ABCA6: variants seen among roughly 807,000 people sequenced by gnomAD.
ABCA6 encodes the protein ATP-binding cassette sub-family A member 6.
Under a neutral mutation model 191.2 loss-of-function variants are expected in ABCA6, and 164 were observed. That is an observed-to-expected ratio of 0.86 (90% CI 0.76 to 0.98). The LOEUF (loss-of-function observed/expected upper bound fraction) is 0.98. Among genes scored for constraint, ABCA6 ranks in the 50% least tolerant of loss-of-function variants. ABCA6 has a pLI of 0.00. For synonymous variants in ABCA6, 636 were observed against 647.7 expected (o/e 0.98, Z 0.27); for missense variants, 1,958 against 1,894.1 (o/e 1.03, Z -0.63).
intron 26 of ABCA6, among the ~76,000 whole-genome samples, chr17:69,090,467 C>G (rs1159599911): frequency 2.0e-5 from 3 of 152,190 alleles, no homozygotes; most frequent in African/African-American, 7.2e-5. Context: ...CATCCTTTAG[C>G]CATGTATTTA....
chr17:69,087,699 T>C (rs1342948709), intron 28 of ABCA6: 18 of 559,748 alleles, frequency 3.2e-5, no homozygotes, highest in Non-Finnish European at 4.7e-5. Flanking sequence ...TCTTTGACCC[T>C]TTCAAATCTG....
Position 69,078,988 on chromosome 17 carries a change from A to G in ABCA6, c.4839T>C (p.His1613=), listed in dbSNP as rs2072559170. 4.3e-6 allele frequency: 7 copies of G among 1,609,910 alleles called. No homozygotes were observed. The highest frequency in any genetic ancestry group is 5.9e-6 in the Non-Finnish European group (7 of 1,178,582). Reference sequence around the variant, plus strand: ...GTTTGAGGTTTTAAGGTTCATCTGAATGAGGGAGGAGTTTCCATCTCATTG... The same window carrying G: ...GTTTGAGGTTTTAAGGTTCATCTGAGTGAGGGAGGAGTTTCCATCTCATTG... ...DTTMRWKLLP[H]SDEP The change falls in exon 39 of 39, where the codon CAT becomes CAC. Residue 1613 remains histidine (H), a synonymous_variant. Coordinates refer to ENST00000284425, the MANE Select transcript of ABCA6 (RefSeq NM_080284.3).
intron 30 of ABCA6, 44 bp from the exon 31 acceptor site, chr17:69,085,760 G>T (rs1476599980): frequency 7.5e-7 from 1 of 1,340,930 alleles, no homozygotes; most frequent in Non-Finnish European, 1.1e-6. Context: ...GTGAAATACT[G>T]AACAACATAA....
intron 16 of ABCA6, chr17:69,111,981 G>T: frequency 2.0e-6 from 1 of 503,734 alleles, no homozygotes; most frequent in East Asian, 3.2e-5. Context: ...GTCAGGCTTG[G>T]TTTATCATGT....
intron 18 of ABCA6, among the ~76,000 whole-genome samples, chr17:69,107,370 C>A (rs6502005): frequency 0.79 from 119,725 of 152,066 alleles, 50,544 homozygotes; most frequent in Non-Finnish European, 0.94. Flanking sequence ...AACAAGCTAA[C>A]AGCAATTTTT....
chr17:69,135,756 A>G, intron 4 of ABCA6: 1 of 403,428 alleles, frequency 2.5e-6, no homozygotes, highest in Admixed American at 4.3e-5. Context: ...TGCCCATGAA[A>G]CACTTTTTCT....
chr17:69,126,693 C>T (rs1233306925), intron 8 of ABCA6, among the ~76,000 whole-genome samples: 1 of 151,860 alleles, frequency 6.6e-6, no homozygotes, highest in Non-Finnish European at 1.5e-5. Context: ...TCAAAGATCA[C>T]TGAAATGAAT....
chr17:69,102,749 T>C, intron 21 of ABCA6, 86 bp downstream of exon 21: 1 of 1,294,484 alleles, frequency 7.7e-7, no homozygotes, highest in South Asian at 1.5e-5. Context: ...CAAGTTTCTG[T>C]ATACTAGCTT....
At chr17:69,082,793 T>C in intron 36 of ABCA6, 80 bp downstream of exon 36, 4 of 1,570,154 alleles carry the variant, frequency 2.5e-6, no homozygotes, top group Non-Finnish European at 3.5e-6. Context: ...CAAATCACTA[T>C]GAAGTTCTCA....
intron 36 of ABCA6, 54 bp from the exon 37 acceptor site, chr17:69,081,199 G>A: frequency 1.1e-6 from 1 of 935,786 alleles, no homozygotes; most frequent in Non-Finnish European, 1.7e-6. Flanking sequence ...GAGAAAATGA[G>A]CATCAGAATA....
chr17:69,088,677 A>G (rs1486928198), intron 27 of ABCA6, among the ~76,000 whole-genome samples: 4 of 152,152 alleles, frequency 2.6e-5, no homozygotes, highest in African/African-American at 9.7e-5. Flanking sequence ...GCCTGAACTT[A>G]TCACTGTGCT....
At chr17:69,101,595 C>CA (rs528243690) in intron 21 of ABCA6, among the ~76,000 whole-genome samples, 4,598 of 75,446 alleles carry the variant, frequency 0.061, 104 homozygotes, top group African/African-American at 0.13. Flanking sequence ...GACTCTGTCT[C>CA]AAAAAAAAAA....
At chr17:69,133,255 C>G (rs555469913) in intron 6 of ABCA6, among the ~76,000 whole-genome samples, 3 of 152,204 alleles carry the variant, frequency 2.0e-5, no homozygotes, top group Non-Finnish European at 4.4e-5. Context: ...GAGAAATCAA[C>G]TGTTAACTGT....
At chr17:69,123,138 A>G (rs1001806763) in intron 10 of ABCA6, 101 bp downstream of exon 10, 4 of 709,998 alleles carry the variant, frequency 5.6e-6, no homozygotes, top group Non-Finnish European at 5.6e-6. Flanking sequence ...CGTTGTGCAC[A>G]TGTACCCTAA....
chr17:69,084,322 G>C lies in ABCA6; in HGVS notation c.4294C>G (p.Pro1432Ala), dbSNP rs1013875267. 3.7e-6 allele frequency: 6 copies of C among 1,614,082 alleles called. No homozygotes were observed. In the African/African-American group the frequency reaches 8.0e-5, roughly 22 times the overall value. The change falls in exon 34 of 39, where the codon CCT becomes GCT. Residue 1432 changes from proline (P) to alanine (A), a missense_variant. Coordinates refer to ENST00000284425, the MANE Select transcript of ABCA6 (RefSeq NM_080284.3). ...CFVLSLLGNS[P>A]VLLLDEPSTG... ...GATGGTTCATCCAGGAGCAAGACAGGTGAGTTTCCCAGGAGGCTCAGCACA... is the reference window on the plus strand; with the variant it reads ...GATGGTTCATCCAGGAGCAAGACAGCTGAGTTTCCCAGGAGGCTCAGCACA...
intron 20 of ABCA6, chr17:69,103,810 A>T (rs1406414810): frequency 6.6e-6 from 1 of 151,830 alleles, no homozygotes; most frequent in Non-Finnish European, 1.5e-5. Flanking sequence ...TCCCATATTT[A>T]CTTACTGAGA....
At position 69,118,623 on chromosome 17, in the gene ABCA6, T is replaced by C. The variant is rs1484996132; in HGVS notation, c.1437-667A>G. On this transcript the variant is annotated intron_variant, in intron 10 of 38. Transcript: ENST00000284425. ...AACAAATACTTTTCCATTCTTACAGTGGATTATGAGTCACTGTTGATGACT... is the reference window on the plus strand; with the variant it reads ...AACAAATACTTTTCCATTCTTACAGCGGATTATGAGTCACTGTTGATGACT... Among the ~76,000 whole-genome samples, 5 of 152,214 alleles carry C rather than the reference T, an allele frequency of 3.3e-5. No individual in the cohort carries two copies. The South Asian group carries it at 8.3e-4, about 25-fold the overall frequency.
chr17:69,115,255 C>G (rs893429747), intron 12 of ABCA6, 121 bp downstream of exon 12: 5 of 669,224 alleles, frequency 7.5e-6, no homozygotes, highest in Middle Eastern at 3.4e-4. Context: ...CTCTTGGAAA[C>G]AACTTTAGAT....
chr17:69,096,088 A>G, intron 25 of ABCA6, 152 bp downstream of exon 25: 1 of 338,336 alleles, frequency 3.0e-6, no homozygotes, highest in Admixed American at 4.9e-5. Context: ...TTATTGATTC[A>G]GTAACAGTGT....
Sources: gnomAD v4.1 joint callset for allele counts (sites outside exome capture counted in the v4.1 genomes callset) on GRCh38, gnomAD v4.1.1 for gene constraint, MANE v1.5 for transcripts, NCBI Gene and HGNC (gene_info 2026-07-23, HGNC 2026-07-21) for gene names.